CASP4: variants seen among roughly 807,000 people sequenced by gnomAD.
CASP4 encodes caspase 4.
CASP4 carries 29 observed loss-of-function variants against 41.3 expected under a neutral mutation model. The ratio of observed to expected loss-of-function variants is 0.70; its 90% CI spans 0.52 to 0.96. The LOEUF (loss-of-function observed/expected upper bound fraction) is 0.96. Among genes scored for constraint, CASP4 ranks in the 40% least tolerant of loss-of-function variants. The pLI, the probability that CASP4 is intolerant of heterozygous loss-of-function variation, is 0.00. For missense variants in CASP4, 447 were observed against 460.6 expected (o/e 0.97, Z 0.27); for synonymous variants, 185 against 158.4 (o/e 1.17, Z -1.26).
At position 104,947,129 on chromosome 11, in the gene CASP4, A is replaced by G. The variant is rs1196340152; in HGVS notation, c.989T>C (p.Phe330Ser). The stretch of plus-strand genomic sequence containing the variant: ...GTGGCAGCACCAAGAATATTTCTGG[A>G]AGCATGTGATGAGTTGTGTGATGAA... ...SIFITQLITC[F>S]QKYSWCCHLE... The change falls in exon 7 of 9, where the codon TTC becomes TCC. Residue 330 changes from phenylalanine (F) to serine (S), a missense_variant. Coordinates refer to ENST00000444739, the MANE Select transcript of CASP4 (RefSeq NM_001225.4). 2.5e-6 allele frequency: 4 copies of G among 1,612,996 alleles called. No individual in the cohort carries two copies. In the Admixed American group the frequency reaches 5.0e-5, roughly 20 times the overall value.
At chr11:104,959,505 G>A (rs1184184697) in intron 1 of CASP4, among the ~76,000 whole-genome samples, 1 of 152,030 alleles carries the variant, frequency 6.6e-6, no homozygotes, top group African/African-American at 2.4e-5. Context: ...ACATTCTGAT[G>A]GCATCCATTA....
intron 1 of CASP4, among the ~76,000 whole-genome samples, chr11:104,955,309 C>T (rs942561473): frequency 6.6e-6 from 1 of 151,622 alleles, no homozygotes; most frequent in Non-Finnish European, 1.5e-5. Flanking sequence ...ATTCATTTTT[C>T]TCTTTTACTG....
intron 3 of CASP4, chr11:104,951,578 G>A (rs1360398436): frequency 2.6e-6 from 1 of 381,078 alleles, no homozygotes; most frequent in South Asian, 2.7e-5. Flanking sequence ...TTACAAGTCA[G>A]CTATATTATC....
intron 1 of CASP4, among the ~76,000 whole-genome samples, chr11:104,964,751 C>A (rs1026432765): frequency 2.6e-5 from 4 of 152,140 alleles, no homozygotes; most frequent in African/African-American, 9.7e-5. Flanking sequence ...TCATGAGCTC[C>A]AAGTTATCTT....
At chr11:104,945,027 C>T (rs1255064795) in intron 7 of CASP4, among the ~76,000 whole-genome samples, 176 bp from the exon 8 acceptor site, 6 of 152,180 alleles carry the variant, frequency 3.9e-5, no homozygotes. Context: ...ATTGCCACTC[C>T]ATGTCAGACT....
In CASP4 at chr11:104,951,008, C is replaced by T; in HGVS notation, c.463G>A (p.Ala155Thr). ...EFDHLPPRNG[A>T]DFDITGMKEL... ...TTCATCCCTGTGATGTCAAAGTCAG[C>T]TCCATTCCTCGGAGGCAGATGGTCA... is the stretch of plus-strand genomic sequence containing the variant. The change falls in exon 4 of 9, where the codon GCT becomes ACT. Residue 155 changes from alanine to threonine, a missense_variant. By Grantham distance (58) the Ala-to-Thr change is moderately conservative. Coordinates refer to ENST00000444739, the MANE Select transcript of CASP4 (RefSeq NM_001225.4). The T allele has an allele frequency of 6.2e-7, 1 of 1,613,496 alleles. No individual in the cohort carries two copies. The highest frequency in any genetic ancestry group is 1.3e-5 in the African/African-American group (1 of 74,984).
intron 2 of CASP4, 68 bp downstream of exon 2, chr11:104,954,679 G>T: frequency 7.1e-7 from 1 of 1,404,936 alleles, no homozygotes; most frequent in Non-Finnish European, 1.0e-6. Context: ...AGAAGACACT[G>T]CTTAGGCCTT....
chr11:104,962,951 C>G lies in CASP4; in HGVS notation c.7+5568G>C, dbSNP rs532497328. 1.2e-4 allele frequency among the ~76,000 whole-genome samples: 19 copies of G among 152,290 alleles called. No individual in the cohort carries two copies. The South Asian group carries it at 3.9e-3, about 32-fold the overall frequency. On this transcript the variant is annotated intron_variant, in intron 1 of 8. Transcript: ENST00000444739. ...TTTCCTCTCTTGAATTTTCCTTTCT[C>G]TGGACTACCTTGGGGAAATTCTAAA... is the stretch of plus-strand genomic sequence containing the variant.
chr11:104,954,058 G>C (rs574066421), intron 2 of CASP4, among the ~76,000 whole-genome samples: 1 of 152,098 alleles, frequency 6.6e-6, no homozygotes, highest in Admixed American at 6.6e-5. Flanking sequence ...ACTGATTACT[G>C]TTATTAATTG....
At chr11:104,948,819 G>GAC (rs60978430) in intron 5 of CASP4, 143 bp from the exon 6 acceptor site, 1 of 482,992 alleles carries the variant, frequency 2.1e-6, no homozygotes, top group African/African-American at 2.0e-5. Flanking sequence ...CACAGAGAGA[G>GAC]ACACACACAC....
intron 8 of CASP4, chr11:104,944,058 G>T (rs1860389848): frequency 6.6e-6 from 1 of 152,144 alleles, no homozygotes; most frequent in African/African-American, 2.4e-5. Context: ...AAAGTTACAT[G>T]GGAGCTTGAA....
chr11:104,967,551 T>C (rs1861002598), intron 1 of CASP4, among the ~76,000 whole-genome samples: 1 of 152,190 alleles, frequency 6.6e-6, no homozygotes, highest in East Asian at 1.9e-4. Context: ...AATAGATCAC[T>C]AGCAGATAAG....
chr11:104,960,182 T>A (rs868129485), intron 1 of CASP4, among the ~76,000 whole-genome samples: 1 of 152,174 alleles, frequency 6.6e-6, no homozygotes, highest in South Asian at 2.1e-4. Context: ...TTCCTACTGC[T>A]GTCTGTCTAA....
At chr11:104,957,051 A>G (rs1270712937) in intron 1 of CASP4, among the ~76,000 whole-genome samples, 1 of 152,126 alleles carries the variant, frequency 6.6e-6, no homozygotes, top group Non-Finnish European at 1.5e-5. Flanking sequence ...CGTAGTTCTG[A>G]CCAGAGCAAT....
intron 1 of CASP4, among the ~76,000 whole-genome samples, chr11:104,961,276 A>G (rs7102820): frequency 0.016 from 2,475 of 152,350 alleles, 80 homozygotes; most frequent in African/African-American, 0.056. Flanking sequence ...GCCCTATCAC[A>G]GGGTTTCCGT....
intron 4 of CASP4, 127 bp from the exon 5 acceptor site, chr11:104,949,904 C>T (rs1031340707): frequency 3.6e-6 from 3 of 833,904 alleles, no homozygotes; most frequent in Non-Finnish European, 5.7e-6. Flanking sequence ...TTAGTGCTTA[C>T]TCAGTCATGA....
chr11:104,952,074 C>T (rs180815762), intron 2 of CASP4, 69 bp from the exon 3 acceptor site: 79 of 928,022 alleles, frequency 8.5e-5, no homozygotes, highest in Admixed American at 8.5e-4. Context: ...CTAAGAAGAT[C>T]GAGAGAGAAG....
In CASP4 at chr11:104,949,795, C is replaced by G. The variant is rs1383774284; in HGVS notation, c.547-18G>C. The G allele has an allele frequency of 6.2e-7, 1 of 1,609,930 alleles. No homozygotes were observed. The highest frequency in any genetic ancestry group is 8.5e-7 in the Non-Finnish European group (1 of 1,176,598). ...TCCATATCCTGTAAAAGAGCAATGT[C>G]TAACTTCAGTCAGAGAAGCATCACA... On this transcript the variant is annotated intron_variant, in intron 4 of 8. Coordinates refer to ENST00000444739, the MANE Select transcript of CASP4 (RefSeq NM_001225.4).
chr11:104,951,849 A>T (rs1019648202), intron 3 of CASP4, 47 bp downstream of exon 3: 2 of 1,257,458 alleles, frequency 1.6e-6, no homozygotes, highest in African/African-American at 1.5e-5. Flanking sequence ...GAAGGAAAGC[A>T]ATGATATCTC....
Sources: allele counts gnomAD v4.1 joint callset (sites outside exome capture counted in the v4.1 genomes callset), GRCh38; gene constraint gnomAD v4.1.1; transcripts MANE v1.5; gene names NCBI Gene and HGNC (gene_info 2026-07-23, HGNC 2026-07-21).